MPDU1: variants seen among roughly 807,000 people sequenced by gnomAD.
The protein encoded by MPDU1 is mannose-P-dolichol utilization defect 1 protein.
A neutral mutation model predicts 27.6 loss-of-function variants in MPDU1; 18 were observed. That is an observed-to-expected ratio of 0.65 (90% CI 0.45 to 0.97). MPDU1 has a LOEUF of 0.97. Ranked by LOEUF, MPDU1 falls within the 50% of genes least tolerant of loss-of-function variation. MPDU1 has a pLI of 0.00. For synonymous variants in MPDU1, 142 were observed against 131.1 expected (o/e 1.08, Z -0.57); for missense variants, 279 against 297.4 (o/e 0.94, Z 0.46).
chr17:7,583,682 G>A (rs1487679962), upstream of MPDU1: 1 of 772,458 alleles, frequency 1.3e-6, no homozygotes, highest in Admixed American at 1.9e-5. Context: ...CCAAAACGTG[G>A]TCCCTGACTG....
chr17:7,583,829 G>A (rs781757136), upstream of MPDU1: 24 of 1,607,230 alleles, frequency 1.5e-5, no homozygotes, highest in Middle Eastern at 3.3e-4. Context: ...GTCAATGGCG[G>A]TCTGGAGAGA....
At chr17:7,584,999 T>G (rs1263875964) in intron 1 of MPDU1, among the ~76,000 whole-genome samples, 1 of 149,728 alleles carries the variant, frequency 6.7e-6, no homozygotes, top group Admixed American at 6.6e-5. Flanking sequence ...GTCTCAAAAT[T>G]AAAATAAGAA....
intron 1 of MPDU1, among the ~76,000 whole-genome samples, chr17:7,585,204 G>T (rs1330673431): frequency 6.6e-6 from 1 of 152,010 alleles, no homozygotes; most frequent in Non-Finnish European, 1.5e-5. Flanking sequence ...GATTGGATGT[G>T]GGGGGTGGTA....
In MPDU1 at chr17:7,587,671, C is replaced by A; in HGVS notation, c.*120C>A. On this transcript the variant is annotated 3_prime_UTR_variant, in exon 7 of 7. Transcript: ENST00000250124. Reference sequence around the variant, plus strand: ...CCATTCCTCTGCACTTGCAGACTTTCTGAGCCAGGGTTTTCTTTTAGTGGA... The same window carrying A: ...CCATTCCTCTGCACTTGCAGACTTTATGAGCCAGGGTTTTCTTTTAGTGGA... The A allele has an allele frequency of 7.1e-7, 1 of 1,400,090 alleles. No individual in the cohort carries two copies. The highest frequency in any genetic ancestry group is 1.0e-6 in the Non-Finnish European group (1 of 996,610). 86.7% of individuals were successfully genotyped at this position (1,400,090 alleles called of 1,614,324 possible).
chr17:7,584,942 A>G (rs7225078), intron 1 of MPDU1, among the ~76,000 whole-genome samples: 131,605 of 152,126 alleles, frequency 0.87, 58,136 homozygotes, highest in Non-Finnish European at 0.97. Flanking sequence ...ACAGTGAGCC[A>G]AGATCGTGCC....
Position 7,587,901 on chromosome 17 carries a change from T to G in MPDU1, c.*350T>G, listed in dbSNP as rs1425695127. On this transcript the variant is annotated 3_prime_UTR_variant, in exon 7 of 7. Coordinates refer to ENST00000250124, the MANE Select transcript of MPDU1 (RefSeq NM_004870.4). ...AAATGTTTTACCCTGTCCTCCAGCC[T>G]CCCTGCTTCCCTTCTGGCCCTGGAA... 1 of 488,910 alleles carries G rather than the reference T, an allele frequency of 2.0e-6. No homozygotes were observed. The allele number at this position is 488,910 out of a possible 1,614,324, so 30.3% of individuals were successfully genotyped here. A position where few individuals can be genotyped will look rare whatever the true frequency, so the allele number is the denominator to read the frequency against.
chr17:7,585,290 C>G (rs1349559716), intron 1 of MPDU1, among the ~76,000 whole-genome samples: 3 of 151,892 alleles, frequency 2.0e-5, no homozygotes, highest in African/African-American at 7.3e-5. Flanking sequence ...AATCCCAGCA[C>G]TTTAAGGAGG....
At chr17:7,584,028 C>A (rs1462273970) in intron 1 of MPDU1, 63 bp downstream of exon 1, 11 of 1,505,018 alleles carry the variant, frequency 7.3e-6, no homozygotes, top group Non-Finnish European at 1.0e-5. Flanking sequence ...TTAGTCCAAG[C>A]CTTGATCGGC....
Position 7,587,676 on chromosome 17 carries a change from C to A in MPDU1, c.*125C>A. On this transcript the variant is annotated 3_prime_UTR_variant, in exon 7 of 7. Coordinates refer to ENST00000250124, the MANE Select transcript of MPDU1 (RefSeq NM_004870.4). The stretch of plus-strand genomic sequence containing the variant: ...CCTCTGCACTTGCAGACTTTCTGAG[C>A]CAGGGTTTTCTTTTAGTGGAAACAA... The A allele has an allele frequency of 7.4e-7, 1 of 1,359,104 alleles. No homozygotes were observed. Among genetic ancestry groups the A allele is most frequent in the Non-Finnish European group, 1.0e-6 (1 of 963,066 alleles). The allele number at this position is 1,359,104 out of a possible 1,614,324, so 84.2% of individuals were successfully genotyped here.
intron 3 of MPDU1, chr17:7,586,379 C>T: frequency 2.0e-6 from 1 of 508,264 alleles, no homozygotes; most frequent in Non-Finnish European, 3.6e-6. Flanking sequence ...GCAGAGGTTG[C>T]AGTGAGCCAA....
rs745336974 is a variant in MPDU1 at position 7,586,670 on chromosome 17, C to T, written c.303-22C>T. 12 of 1,610,976 alleles carry T rather than the reference C, an allele frequency of 7.4e-6. No homozygotes were observed. In the East Asian group the frequency reaches 2.5e-4, roughly 33 times the overall value. ...CCTCTTTCTAGGCCCGCCTTTCTTC[C>T]TCCCAACTCTTGACTCTGCAGCTCT... On this transcript the variant is annotated intron_variant, in intron 3 of 6. Coordinates refer to ENST00000250124, the MANE Select transcript of MPDU1 (RefSeq NM_004870.4).
Position 7,583,891 on chromosome 17 carries a change from A to G in MPDU1, c.29A>G (p.Lys10Arg), listed in dbSNP as rs1259380344. The change falls in exon 1 of 7, where the codon AAA becomes AGA. Residue 10 changes from lysine (K) to arginine (R), a missense_variant. By Grantham distance (26) the Lys-to-Arg change is conservative. Transcript: ENST00000250124. ...GCGGCCGAGGCGGACGGACCGCTTA[A>G]ACGGCTGCTCGTGCCGATTCTTTTA... MAAEADGPLKRLLVPILLPE... is the reference protein window; with the variant it reads MAAEADGPLRRLLVPILLPE... 1 of 1,614,058 alleles carries G rather than the reference A, an allele frequency of 6.2e-7. No homozygotes were observed. Among genetic ancestry groups the G allele is most frequent in the Non-Finnish European group, 8.5e-7 (1 of 1,180,040 alleles).
intron 1 of MPDU1, among the ~76,000 whole-genome samples, chr17:7,584,646 G>A (rs1031409221): frequency 6.6e-5 from 10 of 152,234 alleles, no homozygotes; most frequent in African/African-American, 2.2e-4. Flanking sequence ...AGCCTTGAAA[G>A]GGTAAGGTTT....
intron 1 of MPDU1, among the ~76,000 whole-genome samples, chr17:7,584,804 C>T (rs1161992832): frequency 6.6e-6 from 1 of 151,984 alleles, no homozygotes; most frequent in African/African-American, 2.4e-5. Flanking sequence ...CCAGCCTGGC[C>T]AATAGGGCGA....
intron 4 of MPDU1, 50 bp downstream of exon 4, chr17:7,586,827 C>A (rs1317696516): frequency 6.2e-7 from 1 of 1,611,372 alleles, no homozygotes; most frequent in Non-Finnish European, 8.5e-7. Flanking sequence ...GGGAACCCTG[C>A]TGGGAACTCA....
upstream of MPDU1, chr17:7,583,839 A>G: frequency 6.2e-7 from 1 of 1,612,402 alleles, no homozygotes; most frequent in Non-Finnish European, 8.5e-7. Context: ...GTCTGGAGAG[A>G]CTGGCGGAAG....
rs750814099 is a variant in MPDU1, at chr17:7,587,004, T to TG, written c.496dup (p.Val166GlyfsTer136). 3.6e-6 allele frequency: 5 copies of TG among 1,399,480 alleles called. No individual in the cohort carries two copies. In the South Asian group the frequency reaches 5.8e-5, roughly 16 times the overall value. 86.7% of individuals were successfully genotyped at this position (1,399,480 alleles called of 1,614,324 possible). A position where few individuals can be genotyped will look rare whatever the true frequency, so the allele number is the denominator to read the frequency against. On this transcript the variant is annotated frameshift_variant, in exon 5 of 7. Transcript: ENST00000250124. LOFTEE classifies it high-confidence loss of function. ...CTCCAGGCCTCCAATGTGCCTGCTG[T>TG]GGTGGTGGGGAGGGTGGGTACCAGG...
At chr17:7,585,342 G>A (rs2071563210) in intron 1 of MPDU1, among the ~76,000 whole-genome samples, 1 of 152,026 alleles carries the variant, frequency 6.6e-6, no homozygotes, top group Admixed American at 6.6e-5. Context: ...TTCGAGACCA[G>A]CCTGGCCAAC....
Position 7,587,232 on chromosome 17 carries a change from G to C in MPDU1, c.579G>C (p.Leu193=), listed in dbSNP as rs191286739. The change falls in exon 6 of 7, where the codon CTG becomes CTC. Residue 193 remains leucine (L), a synonymous_variant. Coordinates refer to ENST00000250124, the MANE Select transcript of MPDU1 (RefSeq NM_004870.4). The stretch of plus-strand genomic sequence containing the variant: ...TCTCAGCCATCACAGTCTTCCTGCT[G>C]TTTGGGGGCTCCCTGGCCCGAATCT... ...GQLSAITVFL[L]FGGSLARIFT... 8.1e-6 allele frequency: 13 copies of C among 1,614,108 alleles called. No individual in the cohort carries two copies. The highest frequency in any genetic ancestry group is 1.7e-5 in the Admixed American group (1 of 60,016).
Sources: allele counts gnomAD v4.1 joint callset (sites outside exome capture counted in the v4.1 genomes callset), GRCh38; gene constraint gnomAD v4.1.1; transcripts MANE v1.5; gene names NCBI Gene and HGNC (gene_info 2026-07-23, HGNC 2026-07-21).